Variants in SLC6A9 observed in about 807,000 individuals in gnomAD.
The protein encoded by SLC6A9 is sodium- and chloride-dependent glycine transporter 1.
Under a neutral mutation model 70.9 loss-of-function variants are expected in SLC6A9, and 31 were observed. The observed-to-expected ratio is 0.44, with a 90% CI of 0.33 to 0.59. SLC6A9 has a LOEUF of 0.59. Ranked by LOEUF, SLC6A9 falls within the 20% of genes least tolerant of loss-of-function variation. SLC6A9 has a pLI of 0.04. For missense variants in SLC6A9, 631 were observed against 845.2 expected, an observed-to-expected ratio of 0.75 and a Z score of 3.14; for synonymous variants, 310 against 341.3, an observed-to-expected ratio of 0.91 and a Z score of 1.01.
chr1:44,000,934 G>A lies in SLC6A9; in HGVS notation c.1435+22C>T, dbSNP rs2248632. 141,366 of 1,601,346 alleles carry A rather than the reference G, an allele frequency of 0.088. 8,154 individuals are homozygous for A. The highest frequency in any genetic ancestry group is 0.24 in the African/African-American group (18,249 of 74,674). ...GCGGGCCAAGGGCCGGGTCGCGGGA[G>A]GCCGGAGGCTCGAGTGCTCACCGTA... On this transcript the variant is annotated intron_variant, in intron 11 of 13. Coordinates refer to ENST00000372310, the MANE Select transcript of SLC6A9 (RefSeq NM_001024845.3).
chr1:44,003,685 T>C (rs1254629053), intron 5 of SLC6A9, among the ~76,000 whole-genome samples: 1 of 144,408 alleles, frequency 6.9e-6, no homozygotes, highest in East Asian at 2.1e-4. Flanking sequence ...GAGGTGGAGG[T>C]TGCAGGGAGT....
Position 44,002,793 on chromosome 1 carries a change from C to T in SLC6A9, c.723+60G>A. The T allele has an allele frequency of 6.2e-7, 1 of 1,606,224 alleles. No individual in the cohort carries two copies. The highest frequency in any genetic ancestry group is 2.2e-5 in the East Asian group (1 of 44,794). ...CCCCTCCCTGCAATACACACATAAC[C>T]CAGGTAGGGGGCAGGGTCTTTCTGG... is the stretch of plus-strand genomic sequence containing the variant. On this transcript the variant is annotated intron_variant, in intron 6 of 13. Transcript: ENST00000372310. The surrounding 1 kb of genome is among the most constrained non-coding windows in gnomAD (Gnocchi z 5.5).
chr1:44,010,497 A>G (rs1294008906), intron 3 of SLC6A9: 8 of 222,962 alleles, frequency 3.6e-5, no homozygotes, highest in South Asian at 6.7e-5. Context: ...ACCTCTCCTC[A>G]CCTCAAAGGG....
At chr1:44,008,265 G>T in intron 5 of SLC6A9, 88 bp downstream of exon 5, 1 of 1,352,354 alleles carries the variant, frequency 7.4e-7, no homozygotes, top group Non-Finnish European at 1.1e-6. Context: ...ACCTGCAGCA[G>T]GCACCCTACT....
intron 12 of SLC6A9, among the ~76,000 whole-genome samples, chr1:43,999,273 G>C (rs540639555): frequency 3.6e-4 from 54 of 151,588 alleles, no homozygotes; most frequent in African/African-American, 1.3e-3. Context: ...CCAGGCTGGA[G>C]TTACCCCAAG....
intron 1 of SLC6A9, 136 bp downstream of exon 1, chr1:44,031,170 A>T (rs1235353830): frequency 1.2e-5 from 1 of 84,086 alleles, no homozygotes; most frequent in Non-Finnish European, 3.0e-5. Context: ...GCGCGATCAC[A>T]CACACACACA....
In SLC6A9 at chr1:43,997,148, C is replaced by T; in HGVS notation, c.*397G>A. 2 of 221,146 alleles carry T rather than the reference C, an allele frequency of 9.0e-6. No individual in the cohort carries two copies. Among genetic ancestry groups the T allele is most frequent in the Non-Finnish European group, 1.8e-5 (2 of 113,192 alleles). The allele number at this position is 221,146 out of a possible 1,614,324, so 13.7% of individuals were successfully genotyped here. On this transcript the variant is annotated 3_prime_UTR_variant, in exon 14 of 14. Transcript: ENST00000372310. The surrounding 1 kb of genome is among the most constrained non-coding windows in gnomAD (Gnocchi z 4.4). ...GGGAGGAATAGCCAAATGTGCCTGG[C>T]AGAGGCTGGGGTCGGCTCTGAGGGC...
chr1:44,031,332 G>T lies in SLC6A9; in HGVS notation c.-112C>A, dbSNP rs2087117401. 1 of 152,136 alleles carries T rather than the reference G, an allele frequency of 6.6e-6. No homozygotes were observed. Among genetic ancestry groups the T allele is most frequent in the Non-Finnish European group, 1.5e-5 (1 of 68,052 alleles). 9.4% of individuals were successfully genotyped at this position (152,136 alleles called of 1,614,324 possible). On this transcript the variant is annotated 5_prime_UTR_variant, in exon 1 of 14. Transcript: ENST00000372310. ...ATGCTGCAGCCCCCGGCCCAGGCGT[G>T]CTGGGTCCGCACCGCGGTGCGCCCA...
intron 2 of SLC6A9, chr1:44,011,602 G>C: frequency 6.2e-7 from 1 of 1,614,102 alleles, no homozygotes; most frequent in Non-Finnish European, 8.5e-7. Flanking sequence ...AGTTGGGGAA[G>C]GAGACCAGAG....
At chr1:44,010,136 G>A in intron 3 of SLC6A9, 40 bp from the exon 4 acceptor site, 4 of 1,611,036 alleles carry the variant, frequency 2.5e-6, no homozygotes, top group Non-Finnish European at 2.5e-6. Context: ...AGTGGGCTTG[G>A]AGGGATCTCA....
chr1:44,022,561 G>A (rs1330354074), intron 2 of SLC6A9, among the ~76,000 whole-genome samples: 2 of 152,008 alleles, frequency 1.3e-5, no homozygotes, highest in Admixed American at 6.6e-5. Flanking sequence ...CAGTCAATCA[G>A]TAGGGGGCTA....
At position 43,997,527 on chromosome 1, in the gene SLC6A9, C is replaced by T. The variant is rs2085907483; in HGVS notation, c.*18G>A. ...GGAGCACGGGGTGGGGGTGGGGCCACTCCCCTGGCAGCTGTGCTCATATCC... is the reference window on the plus strand; with the variant it reads ...GGAGCACGGGGTGGGGGTGGGGCCATTCCCCTGGCAGCTGTGCTCATATCC... On this transcript the variant is annotated 3_prime_UTR_variant, in exon 14 of 14. Coordinates refer to ENST00000372310, the MANE Select transcript of SLC6A9 (RefSeq NM_001024845.3). This position sits in a 1 kb window ranked among gnomAD's most constrained non-coding sequence, Gnocchi z 4.4. 6 of 1,608,426 alleles carry T rather than the reference C, an allele frequency of 3.7e-6. No individual in the cohort carries two copies. The highest frequency in any genetic ancestry group is 1.1e-5 in the South Asian group (1 of 90,958).
At chr1:44,004,370 G>A (rs2086236337) in intron 5 of SLC6A9, among the ~76,000 whole-genome samples, 1 of 150,632 alleles carries the variant, frequency 6.6e-6, no homozygotes, top group Non-Finnish European at 1.5e-5. Context: ...TATTGAGACA[G>A]GGTCTTGCTC....
intron 1 of SLC6A9, among the ~76,000 whole-genome samples, chr1:44,029,350 G>A (rs1314453201): frequency 6.6e-6 from 1 of 152,190 alleles, no homozygotes; most frequent in Non-Finnish European, 1.5e-5. Flanking sequence ...AGGAGCTGTG[G>A]GAGCAGGAAA....
chr1:44,017,398 C>A, intron 2 of SLC6A9: 8 of 1,191,134 alleles, frequency 6.7e-6, no homozygotes, highest in Non-Finnish European at 8.5e-6. Flanking sequence ...CACACACACA[C>A]ACACACACAC....
intron 2 of SLC6A9, among the ~76,000 whole-genome samples, chr1:44,023,193 C>T (rs2086918778): frequency 6.6e-6 from 1 of 152,168 alleles, no homozygotes; most frequent in Admixed American, 6.5e-5. Flanking sequence ...TCCCAGGTCC[C>T]CACCCCCGGC....
chr1:44,001,110 T>A, intron 10 of SLC6A9, 54 bp downstream of exon 10: 1 of 1,612,646 alleles, frequency 6.2e-7, no homozygotes, highest in Non-Finnish European at 8.5e-7. Flanking sequence ...TCCCCAACCC[T>A]TCCCTGCACG....
Position 44,018,785 on chromosome 1 carries a change from C to T in SLC6A9, c.30+5463G>A, listed in dbSNP as rs2086826985. 6.6e-6 allele frequency among the ~76,000 whole-genome samples: 1 copy of T among 151,800 alleles called. No homozygotes were observed. Among genetic ancestry groups the T allele is most frequent in the Admixed American group, 6.6e-5 (1 of 15,218 alleles). The stretch of plus-strand genomic sequence containing the variant: ...AGACCGTGTCTCTACAAAAAACTGG[C>T]AAGGTGTGGTGGTGTGTACCTATAG... On this transcript the variant is annotated intron_variant, in intron 2 of 13. Transcript: ENST00000372310. This position sits in a 1 kb window ranked among gnomAD's most constrained non-coding sequence, Gnocchi z 4.2.
Position 44,008,432 on chromosome 1 carries a change from G to A in SLC6A9, c.511C>T (p.Pro171Ser), listed in dbSNP as rs1389000093. Residue 171 changes from proline (P) to serine (S), a missense_variant, in exon 5 of 14, where the codon CCA (proline) becomes TCA (serine). Transcript: ENST00000372310. Reference protein sequence around the residue: ...DASNLTNGSRPAALPSNLSHL... With the variant: ...DASNLTNGSRSAALPSNLSHL... ...GAGAGGTTGCTGGGCAAGGCGGCTG[G>A]CCGAGAGCCATTGGTGAGGTTGGAG... 6.2e-7 allele frequency: 1 copy of A among 1,614,136 alleles called. No homozygotes were observed. Among genetic ancestry groups the A allele is most frequent in the South Asian group, 1.1e-5 (1 of 91,092 alleles).
Sources: gnomAD v4.1 joint callset for allele counts (sites outside exome capture counted in the v4.1 genomes callset) on GRCh38, gnomAD v4.1.1 for gene constraint, Gnocchi (gnomAD v3.1) non-coding constraint, MANE v1.5 for transcripts, NCBI Gene and HGNC (gene_info 2026-07-23, HGNC 2026-07-21) for gene names.